The following TPST2 variants were observed in gnomAD, a reference collection of about 807,000 sequenced individuals.
TPST2 encodes the protein tyrosylprotein sulfotransferase 2.
TPST2 carries 16 observed loss-of-function variants against 27.8 expected under a neutral mutation model. That is an observed-to-expected ratio of 0.58 (90% CI 0.39 to 0.88). TPST2 has a LOEUF of 0.88. Ranked by LOEUF, TPST2 falls within the 40% of genes least tolerant of loss-of-function variation. TPST2 has a pLI of 0.00. For missense variants in TPST2, 464 were observed against 543.1 expected, an observed-to-expected ratio of 0.85 and a Z score of 1.45; for synonymous variants, 229 against 231.7, an observed-to-expected ratio of 0.99 and a Z score of 0.10.
intron 1 of TPST2, among the ~76,000 whole-genome samples, chr22:26,572,931 AGAT>A (rs1430092583): frequency 6.6e-6 from 1 of 152,206 alleles, no homozygotes; most frequent in Non-Finnish European, 1.5e-5. Flanking sequence ...TTTTGCAGAA[AGAT>A]GCGCCTGAGT....
intron 1 of TPST2, among the ~76,000 whole-genome samples, chr22:26,556,340 A>ACCAG (rs1926792384): frequency 6.6e-6 from 1 of 152,116 alleles, no homozygotes; most frequent in Admixed American, 6.5e-5. Context: ...GGAGTTCAAG[A>ACCAG]CCAGCCTGGC....
chr22:26,555,607 G>A (rs1926750487), intron 1 of TPST2, among the ~76,000 whole-genome samples: 1 of 152,254 alleles, frequency 6.6e-6, no homozygotes, highest in African/African-American at 2.4e-5. Context: ...GACGGACACA[G>A]TCCTGCCCAT....
intron 1 of TPST2, chr22:26,555,079 G>A (rs547782041): frequency 1.9e-6 from 1 of 519,666 alleles, no homozygotes; most frequent in African/African-American, 1.9e-5. Context: ...CCTGGGGCCT[G>A]CCCTCAAATA....
At chr22:26,535,637 A>G (rs1266131578) in intron 4 of TPST2, among the ~76,000 whole-genome samples, 1 of 152,200 alleles carries the variant, frequency 6.6e-6, no homozygotes, top group African/African-American at 2.4e-5. Flanking sequence ...TTAGCTGTGC[A>G]TGGTGGCGTG....
At chr22:26,572,478 TTGCTCAA>T (rs1316237829) in intron 1 of TPST2, among the ~76,000 whole-genome samples, 1 of 152,164 alleles carries the variant, frequency 6.6e-6, no homozygotes, top group Non-Finnish European at 1.5e-5. Flanking sequence ...ATTTACCTTT[TTGCTCAA>T]TGCTATGGAA....
rs200917636 is a variant in TPST2 at position 26,540,595 on chromosome 22, C to T, written c.842+194G>A. 2.7e-4 allele frequency among the ~76,000 whole-genome samples: 41 copies of T among 152,216 alleles called. 1 individual carries two copies. In the East Asian group the frequency reaches 6.9e-3, roughly 26 times the overall value. On this transcript the variant is annotated intron_variant, in intron 3 of 6. Coordinates refer to ENST00000338754, the MANE Select transcript of TPST2 (RefSeq NM_003595.5). ...CCTCAAAAAACAAACAAACAGCCCA[C>T]GAAGTTTGCAGATTCTCTCAGAAAG...
chr22:26,538,165 TG>T (rs1925581707), intron 3 of TPST2, among the ~76,000 whole-genome samples: 1 of 152,020 alleles, frequency 6.6e-6, no homozygotes, highest in East Asian at 1.9e-4. Flanking sequence ...AGAGGTGACT[TG>T]GGAAAGAACA....
At chr22:26,557,300 T>C (rs1281058582) in intron 1 of TPST2, among the ~76,000 whole-genome samples, 1 of 152,192 alleles carries the variant, frequency 6.6e-6, no homozygotes, top group African/African-American at 2.4e-5. Context: ...AGACTGGGCG[T>C]GCACCTGCAT....
At chr22:26,578,721 TTC>T (rs1193051984) in intron 1 of TPST2, among the ~76,000 whole-genome samples, 1 of 152,160 alleles carries the variant, frequency 6.6e-6, no homozygotes, top group Non-Finnish European at 1.5e-5. Context: ...TGTTCCCAGT[TTC>T]TGAGGCATGG....
chr22:26,553,060 C>CAAA (rs3037016), intron 1 of TPST2, among the ~76,000 whole-genome samples: 8 of 43,202 alleles, frequency 1.9e-4, no homozygotes, highest in African/African-American at 4.0e-4. Flanking sequence ...AACTCCATCT[C>CAAA]AAAAAAAAAA....
intron 1 of TPST2, among the ~76,000 whole-genome samples, chr22:26,563,983 T>G (rs1927254434): frequency 6.6e-6 from 1 of 152,130 alleles, no homozygotes; most frequent in African/African-American, 2.4e-5. Context: ...CCCTTTATAT[T>G]TCAGCAGATA....
At position 26,525,917 on chromosome 22, in the gene TPST2, G is replaced by A. The variant is rs1015967324; in HGVS notation, c.*358C>T. 3 of 152,228 alleles carry A rather than the reference G, an allele frequency of 2.0e-5. No individual in the cohort carries two copies. The highest frequency in any genetic ancestry group is 4.4e-5 in the Non-Finnish European group (3 of 68,044). The allele number at this position is 152,228 out of a possible 1,614,324, so 9.4% of individuals were successfully genotyped here. On this transcript the variant is annotated 3_prime_UTR_variant, in exon 7 of 7. Coordinates refer to ENST00000338754, the MANE Select transcript of TPST2 (RefSeq NM_003595.5). ...AGTAAGGGTCAATAGGAGAGGCACAGGTTGTGGGCCTTGTCCCAGCAAACA... is the reference window on the plus strand; with the variant it reads ...AGTAAGGGTCAATAGGAGAGGCACAAGTTGTGGGCCTTGTCCCAGCAAACA...
intron 1 of TPST2, among the ~76,000 whole-genome samples, chr22:26,548,138 C>A (rs1926224361): frequency 6.6e-6 from 1 of 152,128 alleles, no homozygotes; most frequent in African/African-American, 2.4e-5. Flanking sequence ...CTGAAATGCT[C>A]CAAAATCCAA....
At chr22:26,567,755 G>A (rs1406480420) in intron 1 of TPST2, among the ~76,000 whole-genome samples, 2 of 152,196 alleles carry the variant, frequency 1.3e-5, no homozygotes, top group Non-Finnish European at 2.9e-5. Context: ...AAATGGGAAC[G>A]TCTGAAGACA....
chr22:26,541,978 C>T lies in TPST2; in HGVS notation c.-88-260G>A, dbSNP rs1925873059. Among the ~76,000 whole-genome samples the T allele has an allele frequency of 6.6e-6, 1 of 152,004 alleles. No individual in the cohort carries two copies. The highest frequency in any genetic ancestry group is 2.1e-4 in the South Asian group (1 of 4,832). ...CCTGGGTGATCCTCCTACCTGTCTC[C>T]CAAAGTGATGGGATTACAGGCATGA... On this transcript the variant is annotated intron_variant, in intron 2 of 6. Coordinates refer to ENST00000338754, the MANE Select transcript of TPST2 (RefSeq NM_003595.5). This position sits in a 1 kb window ranked among gnomAD's most constrained non-coding sequence, Gnocchi z 5.9.
At chr22:26,536,925 T>C (rs1215920596) in intron 3 of TPST2, among the ~76,000 whole-genome samples, 1 of 152,028 alleles carries the variant, frequency 6.6e-6, no homozygotes, top group East Asian at 1.9e-4. Flanking sequence ...CAAGCGCCTG[T>C]AGTCCCAGCA....
rs1024459372 is a variant in TPST2 at position 26,590,096 on chromosome 22, C to G, written c.-204G>C. Reference sequence around the variant, plus strand: ...GGCAGCCCCACGCACCCAGCGACTCCCGGCTCTCCAGCCGCCCCAGCCGGG... The same window carrying G: ...GGCAGCCCCACGCACCCAGCGACTCGCGGCTCTCCAGCCGCCCCAGCCGGG... On this transcript the variant is annotated 5_prime_UTR_variant, in exon 1 of 7. Transcript: ENST00000338754. 2 of 151,962 alleles carry G rather than the reference C, an allele frequency of 1.3e-5. No homozygotes were observed. The highest frequency in any genetic ancestry group is 4.8e-5 in the African/African-American group (2 of 41,422). The allele number at this position is 151,962 out of a possible 1,614,324, so 9.4% of individuals were successfully genotyped here. A position where few individuals can be genotyped will look rare whatever the true frequency, so the allele number is the denominator to read the frequency against.
At chr22:26,567,505 C>G (rs1927427163) in intron 1 of TPST2, among the ~76,000 whole-genome samples, 1 of 152,214 alleles carries the variant, frequency 6.6e-6, no homozygotes, top group African/African-American at 2.4e-5. Context: ...CATCTATACA[C>G]CAGTCAATGA....
chr22:26,585,173 T>C (rs1469680988), intron 1 of TPST2, among the ~76,000 whole-genome samples: 1 of 152,190 alleles, frequency 6.6e-6, no homozygotes, highest in African/African-American at 2.4e-5. Context: ...TAGCTCCCTA[T>C]CACACTGCCT....
Sources: allele counts gnomAD v4.1 joint callset (sites outside exome capture counted in the v4.1 genomes callset), GRCh38; gene constraint gnomAD v4.1.1; non-coding constraint Gnocchi (gnomAD v3.1); transcripts MANE v1.5; gene names NCBI Gene and HGNC (gene_info 2026-07-23, HGNC 2026-07-21).